Variants in CELF4 observed in about 807,000 individuals in gnomAD.
The protein encoded by CELF4 is CUG-BP- and ETR-3-like factor 4.
Under a neutral mutation model 59.9 loss-of-function variants are expected in CELF4, and 18 were observed. That is an observed-to-expected ratio of 0.30 (90% CI 0.21 to 0.45). CELF4 has a LOEUF of 0.45. Ranked by LOEUF, CELF4 falls within the 20% of genes least tolerant of loss-of-function variation. CELF4 has a pLI of 1.00. For synonymous variants in CELF4, 261 were observed against 267.1 expected, an observed-to-expected ratio of 0.98 and a Z score of 0.22; for missense variants, 456 against 689.0, an observed-to-expected ratio of 0.66 and a Z score of 3.79.
At chr18:37,300,552 G>A (rs1255552285) in intron 3 of CELF4, among the ~76,000 whole-genome samples, 1 of 152,162 alleles carries the variant, frequency 6.6e-6, no homozygotes, top group Non-Finnish European at 1.5e-5. Context: ...GCACTGCCCT[G>A]TGGGTCCCTG....
At chr18:37,367,721 AAG>A (rs1180512590) in intron 2 of CELF4, among the ~76,000 whole-genome samples, 6 of 151,686 alleles carry the variant, frequency 4.0e-5, no homozygotes, top group African/African-American at 1.5e-4. Flanking sequence ...AAAAGAGAGA[AAG>A]AGAACGAAAG....
intron 12 of CELF4, among the ~76,000 whole-genome samples, chr18:37,248,720 G>A (rs535206133): frequency 1.1e-4 from 16 of 152,104 alleles, no homozygotes; most frequent in South Asian, 2.1e-4. Context: ...TTCAACTTTC[G>A]GCTGACTTCT....
intron 3 of CELF4, among the ~76,000 whole-genome samples, chr18:37,318,765 C>G (rs1327444344): frequency 6.6e-6 from 1 of 152,080 alleles, no homozygotes; most frequent in Non-Finnish European, 1.5e-5. Context: ...GCTATTGCCT[C>G]TGAGGCAAGT....
intron 3 of CELF4, among the ~76,000 whole-genome samples, chr18:37,286,055 C>T (rs1358371786): frequency 6.6e-6 from 1 of 152,062 alleles, no homozygotes; most frequent in Non-Finnish European, 1.5e-5. Context: ...TTGTCCTCGG[C>T]TTTCAAGGAG....
chr18:37,511,769 C>CT, intron 1 of CELF4, among the ~76,000 whole-genome samples: 1 of 152,180 alleles, frequency 6.6e-6, no homozygotes, highest in Admixed American at 6.5e-5. Flanking sequence ...ATTCTTTCTT[C>CT]TTTTTTGTAA....
chr18:37,464,299 T>A (rs2099801843), intron 2 of CELF4, among the ~76,000 whole-genome samples: 1 of 143,810 alleles, frequency 7.0e-6, no homozygotes, highest in African/African-American at 2.5e-5. Context: ...CTGAGTGAAA[T>A]GTAGATCGCA....
intron 1 of CELF4, among the ~76,000 whole-genome samples, chr18:37,524,100 C>T (rs2099960722): frequency 6.6e-6 from 1 of 152,234 alleles, no homozygotes; most frequent in Admixed American, 6.5e-5. Flanking sequence ...TTGACTGTCA[C>T]CAGGCACAGT....
At chr18:37,386,816 C>T (rs1397540185) in intron 2 of CELF4, among the ~76,000 whole-genome samples, 2 of 152,212 alleles carry the variant, frequency 1.3e-5, no homozygotes, top group Non-Finnish European at 1.5e-5. Flanking sequence ...TGCATGTTCA[C>T]CTCTTCACTT....
chr18:37,563,103 T>A (rs1027709825), intron 1 of CELF4, among the ~76,000 whole-genome samples: 2 of 150,618 alleles, frequency 1.3e-5, no homozygotes, highest in South Asian at 4.2e-4. Flanking sequence ...GTATTACGTA[T>A]ATATTATATA....
Position 37,502,266 on chromosome 18 carries a change from C to T in CELF4, c.287-16659G>A, listed in dbSNP as rs1430572849. 2.6e-5 allele frequency among the ~76,000 whole-genome samples: 4 copies of T among 152,274 alleles called. 1 individual carries two copies. The highest frequency in any genetic ancestry group is 2.1e-4 in the South Asian group (1 of 4,820). ...ACCGCACAGACCTTCTCCATGAAAT[C>T]GGTGCTGAAGCCATTTCCATCCAGG... On this transcript the variant is annotated intron_variant, in intron 1 of 12. Transcript: ENST00000420428.
At chr18:37,352,334 TC>T (rs1326256799) in intron 2 of CELF4, among the ~76,000 whole-genome samples, 1 of 152,088 alleles carries the variant, frequency 6.6e-6, no homozygotes, top group Non-Finnish European at 1.5e-5. Flanking sequence ...TGTTACCTCC[TC>T]CCCAGCCTGC....
In CELF4 at chr18:37,266,425, C is replaced by T. The variant is rs556993175; in HGVS notation, c.1165+108G>A. 1.6e-4 allele frequency: 185 copies of T among 1,129,400 alleles called. 1 individual carries two copies. In the South Asian group the frequency reaches 1.8e-3, roughly 11 times the overall value. 70.0% of individuals were successfully genotyped at this position (1,129,400 alleles called of 1,614,324 possible). On this transcript the variant is annotated intron_variant, in intron 9 of 12. Coordinates refer to ENST00000420428, the MANE Select transcript of CELF4 (RefSeq NM_020180.4). Reference sequence around the variant, plus strand: ...AGCCCTCCCTCTTTCCACTCTCTCTCCCCACCCCATGCAGTGCTGGCCCCA... The same window carrying T: ...AGCCCTCCCTCTTTCCACTCTCTCTTCCCACCCCATGCAGTGCTGGCCCCA...
chr18:37,387,150 C>T (rs1039895620), intron 2 of CELF4, among the ~76,000 whole-genome samples: 3 of 152,212 alleles, frequency 2.0e-5, no homozygotes, highest in African/African-American at 7.2e-5. Flanking sequence ...AGACAGATGG[C>T]CCCCAAGTTC....
chr18:37,504,472 A>T (rs2099935409), intron 1 of CELF4, among the ~76,000 whole-genome samples: 1 of 149,256 alleles, frequency 6.7e-6, no homozygotes, highest in East Asian at 2.0e-4. Context: ...AAAAAAAAAA[A>T]AGGATGGGGC....
chr18:37,413,555 C>T (rs1171608442), intron 2 of CELF4, among the ~76,000 whole-genome samples: 2 of 152,196 alleles, frequency 1.3e-5, no homozygotes. Context: ...GTATTTTGGG[C>T]ATCGCCTGTT....
At position 37,266,582 on chromosome 18, in the gene CELF4, G is replaced by T. The variant is rs145333419; in HGVS notation, c.1116C>A (p.Ala372=). 17 of 1,593,520 alleles carry T rather than the reference G, an allele frequency of 1.1e-5. No individual in the cohort carries two copies. Among genetic ancestry groups the T allele is most frequent in the Non-Finnish European group, 1.4e-5 (16 of 1,171,582 alleles). ...IHPYPAQSPT[A]ADPLQQAYAG... ...CGTAGGCCTGCTGCAGGGGGTCCGC[G>T]GCGGTGGGGCTCTGTGCTGTAGGGA... Residue 372 remains alanine, a synonymous_variant, in exon 9 of 13, where the codon GCC becomes GCA. Coordinates refer to ENST00000420428, the MANE Select transcript of CELF4 (RefSeq NM_020180.4).
Position 37,362,262 on chromosome 18 carries a change from G to A in CELF4, c.370-40381C>T, listed in dbSNP as rs535011722. Among the ~76,000 whole-genome samples, 12 of 150,676 alleles carry A rather than the reference G, an allele frequency of 8.0e-5. No homozygotes were observed. In the South Asian group the frequency reaches 2.5e-3, roughly 32 times the overall value. ...CTCCAGCTCCAGCTCTAGCTCTGAGGTTTGTTTGTTCCAGCCCCGCTCCTC... is the reference window on the plus strand; with the variant it reads ...CTCCAGCTCCAGCTCTAGCTCTGAGATTTGTTTGTTCCAGCCCCGCTCCTC... On this transcript the variant is annotated intron_variant, in intron 2 of 12. Transcript: ENST00000420428.
chr18:37,316,056 C>T (rs1330998937), intron 3 of CELF4, among the ~76,000 whole-genome samples: 3 of 152,116 alleles, frequency 2.0e-5, no homozygotes, highest in Non-Finnish European at 4.4e-5. Flanking sequence ...GGCTGCAGGG[C>T]AGCTTCCTAG....
intron 2 of CELF4, among the ~76,000 whole-genome samples, chr18:37,381,447 C>T (rs985216163): frequency 6.6e-6 from 1 of 152,058 alleles, no homozygotes; most frequent in South Asian, 2.1e-4. Context: ...GCTTGTATCA[C>T]ATTATATGGG....
Sources: gnomAD v4.1 joint callset for allele counts (sites outside exome capture counted in the v4.1 genomes callset) on GRCh38, gnomAD v4.1.1 for gene constraint, MANE v1.5 for transcripts, NCBI Gene and HGNC (gene_info 2026-07-23, HGNC 2026-07-21) for gene names.